ZFHX3: variants seen among roughly 807,000 people sequenced by gnomAD.
The protein encoded by ZFHX3 is zinc finger homeobox protein 3.
A neutral mutation model predicts 279.1 loss-of-function variants in ZFHX3; 42 were observed. The observed-to-expected ratio is 0.15, with a 90% CI of 0.12 to 0.19. The LOEUF (loss-of-function observed/expected upper bound fraction) is 0.19. ZFHX3 is among the 10% of genes least tolerant of loss of function. The probability of loss-of-function intolerance (pLI) is 1.00; values close to 1 mark genes in which losing one functional copy is unlikely to be tolerated. For synonymous variants in ZFHX3, 2,293 were observed against 1,957.8 expected (o/e 1.17, Z -4.52); for missense variants, 4,981 against 4,754.0 (o/e 1.05, Z -1.40).
chr16:73,849,681 A>C (rs867361910), intron 1 of ZFHX3, among the ~76,000 whole-genome samples: 1 of 152,220 alleles, frequency 6.6e-6, no homozygotes, highest in Non-Finnish European at 1.5e-5. Context: ...GAATTTGTCA[A>C]CATCCTGGAT....
intron 1 of ZFHX3, among the ~76,000 whole-genome samples, chr16:73,786,827 G>C (rs1252920920): frequency 6.6e-6 from 1 of 152,104 alleles, no homozygotes; most frequent in Non-Finnish European, 1.5e-5. Context: ...GCAACTTCCA[G>C]CCAGTTGTCC....
chr16:73,236,928 G>A (rs1008193424), intron 5 of ZFHX3, among the ~76,000 whole-genome samples: 1 of 152,176 alleles, frequency 6.6e-6, no homozygotes, highest in African/African-American at 2.4e-5. Flanking sequence ...TTCAGCAAAT[G>A]GTGAAGACAG....
chr16:73,503,727 G>A (rs2019277530), intron 2 of ZFHX3, among the ~76,000 whole-genome samples: 1 of 152,196 alleles, frequency 6.6e-6, no homozygotes, highest in African/African-American at 2.4e-5. Flanking sequence ...GAGAAACGTG[G>A]GGGAGGCTTC....
At chr16:73,816,311 G>A (rs1038352330) in intron 1 of ZFHX3, among the ~76,000 whole-genome samples, 2 of 152,194 alleles carry the variant, frequency 1.3e-5, no homozygotes, top group Non-Finnish European at 2.9e-5. Flanking sequence ...CCAAAAGGAA[G>A]TCAATGAGAA....
chr16:73,572,893 T>G (rs1220576528), intron 2 of ZFHX3, among the ~76,000 whole-genome samples: 2 of 152,220 alleles, frequency 1.3e-5, no homozygotes, highest in East Asian at 1.9e-4. Context: ...CAGTATAAAT[T>G]GGATCAAATG....
intron 1 of ZFHX3, among the ~76,000 whole-genome samples, chr16:73,776,631 G>T (rs970567573): frequency 1.3e-5 from 2 of 152,264 alleles, no homozygotes; most frequent in South Asian, 4.1e-4. Flanking sequence ...CTCGAATGCG[G>T]CTCTCACACT....
At chr16:73,082,162 G>A (rs1026622216) in intron 8 of ZFHX3, among the ~76,000 whole-genome samples, 43 of 151,870 alleles carry the variant, frequency 2.8e-4, no homozygotes, top group African/African-American at 9.2e-4. Context: ...ATTCAACTAC[G>A]AGATAAGGAG....
At chr16:73,671,085 C>T (rs748163199) in intron 2 of ZFHX3, among the ~76,000 whole-genome samples, 1 of 152,136 alleles carries the variant, frequency 6.6e-6, no homozygotes, top group Non-Finnish European at 1.5e-5. Context: ...AATGACTACA[C>T]GAACAAAGGA....
At chr16:73,124,513 CT>C (rs1966538318) in intron 7 of ZFHX3, among the ~76,000 whole-genome samples, 1 of 152,152 alleles carries the variant, frequency 6.6e-6, no homozygotes, top group African/African-American at 2.4e-5. Context: ...AGAGTGCGGG[CT>C]TTGGAGCCAG....
intron 1 of ZFHX3, among the ~76,000 whole-genome samples, chr16:73,698,799 T>C (rs960890665): frequency 6.6e-6 from 1 of 152,150 alleles, no homozygotes; most frequent in Non-Finnish European, 1.5e-5. Flanking sequence ...TAATGCAACG[T>C]AGGGTCCTGC....
intron 2 of ZFHX3, among the ~76,000 whole-genome samples, chr16:73,478,807 C>T (rs1345511272): frequency 2.0e-5 from 3 of 152,136 alleles, no homozygotes; most frequent in Non-Finnish European, 4.4e-5. Flanking sequence ...AATCCCAGCA[C>T]TTTGGGAGGC....
intron 5 of ZFHX3, among the ~76,000 whole-genome samples, chr16:73,205,380 G>T (rs548645299): frequency 6.6e-6 from 1 of 152,164 alleles, no homozygotes; most frequent in African/African-American, 2.4e-5. Context: ...ACACAAGACT[G>T]ATTGTATTTA....
chr16:73,517,434 C>T (rs2019541731), intron 2 of ZFHX3, among the ~76,000 whole-genome samples: 1 of 152,172 alleles, frequency 6.6e-6, no homozygotes, highest in African/African-American at 2.4e-5. Context: ...TCTCATTGAC[C>T]TTTGCAAATC....
intron 3 of ZFHX3, among the ~76,000 whole-genome samples, chr16:73,381,673 A>G (rs1283183495): frequency 2.0e-5 from 3 of 152,226 alleles, no homozygotes; most frequent in Admixed American, 6.5e-5. Flanking sequence ...GGAATATCCA[A>G]TCTTTTGGCT....
At chr16:73,527,658 C>G (rs999964250) in intron 2 of ZFHX3, among the ~76,000 whole-genome samples, 4 of 152,228 alleles carry the variant, frequency 2.6e-5, no homozygotes, top group Non-Finnish European at 5.9e-5. Flanking sequence ...CTTCCTTGCT[C>G]TCTTTCACTC....
intron 3 of ZFHX3, among the ~76,000 whole-genome samples, chr16:73,409,143 A>G (rs1392831899): frequency 1.3e-5 from 2 of 152,224 alleles, no homozygotes; most frequent in Admixed American, 6.5e-5. Flanking sequence ...CTACCAAGCC[A>G]ACTATTAATA....
At chr16:73,325,928 A>AAAACACACACACACAC (rs368062772) in intron 3 of ZFHX3, among the ~76,000 whole-genome samples, 32 of 145,572 alleles carry the variant, frequency 2.2e-4, no homozygotes, top group African/African-American at 7.0e-4. Context: ...CACACACACA[A>AAAACACACACACACAC]ACACACACAC....
chr16:72,942,032 A>G (rs1960434540), intron 3 of ZFHX3, among the ~76,000 whole-genome samples: 2 of 152,224 alleles, frequency 1.3e-5, no homozygotes, highest in African/African-American at 4.8e-5. Flanking sequence ...GGTGGATCAT[A>G]TAATTATTTA....
At chr16:73,120,112 T>A (rs986059357) in intron 7 of ZFHX3, among the ~76,000 whole-genome samples, 7 of 152,032 alleles carry the variant, frequency 4.6e-5, no homozygotes, top group Non-Finnish European at 8.8e-5. Context: ...TGTTTGTTTT[T>A]TTTGTTTGTT....
Sources: allele counts gnomAD v4.1 joint callset (sites outside exome capture counted in the v4.1 genomes callset), GRCh38; gene constraint gnomAD v4.1.1; transcripts MANE v1.5; gene names NCBI Gene and HGNC (gene_info 2026-07-23, HGNC 2026-07-21).